JARID2: variants seen among roughly 807,000 people sequenced by gnomAD.
The protein encoded by JARID2 is protein Jumonji.
JARID2 carries 21 observed loss-of-function variants against 125.6 expected under a neutral mutation model. The observed-to-expected ratio is 0.17, with a 90% CI of 0.12 to 0.24. JARID2 has a LOEUF of 0.24. Among genes scored for constraint, JARID2 ranks in the 10% least tolerant of loss-of-function variants. The pLI is 1.00. For missense variants in JARID2, 1,303 were observed against 1,639.6 expected (o/e 0.79, Z 3.55); for synonymous variants, 736 against 661.6 (o/e 1.11, Z -1.73).
intron 2 of JARID2, among the ~76,000 whole-genome samples, chr6:15,397,369 C>T (rs912613393): frequency 2.0e-5 from 3 of 152,150 alleles, no homozygotes; most frequent in Admixed American, 2.0e-4. Context: ...AATTCTCTGG[C>T]ACCATAACCT....
chr6:15,375,701 G>A (rs574876744), intron 2 of JARID2, among the ~76,000 whole-genome samples: 3 of 152,290 alleles, frequency 2.0e-5, no homozygotes, highest in East Asian at 3.9e-4. Context: ...ATTGATTCAC[G>A]TTGAACGTAG....
At chr6:15,457,990 G>A (rs1435515891) in intron 4 of JARID2, among the ~76,000 whole-genome samples, 1 of 152,166 alleles carries the variant, frequency 6.6e-6, no homozygotes, top group African/African-American at 2.4e-5. Flanking sequence ...CCGGCCCGAG[G>A]TATTTGCCCG....
At chr6:15,354,292 T>C (rs1763527217) in intron 1 of JARID2, among the ~76,000 whole-genome samples, 1 of 152,188 alleles carries the variant, frequency 6.6e-6, no homozygotes, top group African/African-American at 2.4e-5. Flanking sequence ...CGTTAGAAGC[T>C]GAAAAGGGCA....
At chr6:15,322,686 CTCTT>C (rs1561791875) in intron 1 of JARID2, among the ~76,000 whole-genome samples, 1 of 152,162 alleles carries the variant, frequency 6.6e-6, no homozygotes, top group Non-Finnish European at 1.5e-5. Context: ...CAAAACTTCT[CTCTT>C]TAAGTCATTT....
chr6:15,507,483 G>C, intron 11 of JARID2, 67 bp downstream of exon 11: 1 of 1,393,046 alleles, frequency 7.2e-7, no homozygotes. Context: ...TGAGAACCAG[G>C]GCTGGGAAAT....
At chr6:15,484,819 A>G (rs1243798035) in intron 5 of JARID2, among the ~76,000 whole-genome samples, 1 of 152,198 alleles carries the variant, frequency 6.6e-6, no homozygotes, top group Non-Finnish European at 1.5e-5. Context: ...TAATGGCAGG[A>G]AAAAGCACAG....
At chr6:15,401,640 G>A (rs556147849) in intron 2 of JARID2, among the ~76,000 whole-genome samples, 8 of 152,244 alleles carry the variant, frequency 5.3e-5, no homozygotes, top group Non-Finnish European at 1.0e-4. Context: ...AAGTGGTTCT[G>A]GATTGAGACC....
chr6:15,287,199 A>T (rs541686713), intron 1 of JARID2, among the ~76,000 whole-genome samples: 2 of 152,270 alleles, frequency 1.3e-5, no homozygotes, highest in East Asian at 3.9e-4. Context: ...CTTGTTCTCT[A>T]ATCATAGGTT....
chr6:15,306,146 A>G (rs1248009129), intron 1 of JARID2, among the ~76,000 whole-genome samples: 2 of 152,032 alleles, frequency 1.3e-5, no homozygotes. Context: ...TCGTACTTTG[A>G]GATCACAAGT....
At chr6:15,454,643 A>AT (rs34961974) in intron 4 of JARID2, among the ~76,000 whole-genome samples, 33,715 of 141,704 alleles carry the variant, frequency 0.24, 4,129 homozygotes, top group East Asian at 0.39. Context: ...ACACCCAGCA[A>AT]TTTTTTTTTT....
At chr6:15,512,816 A>T in intron 14 of JARID2, 99 bp from the exon 15 acceptor site, 1 of 1,193,876 alleles carries the variant, frequency 8.4e-7, no homozygotes, top group Non-Finnish European at 1.2e-6. Flanking sequence ...TTCAAGATTT[A>T]GAAATTCAGA....
chr6:15,279,417 T>C (rs1192080689), intron 1 of JARID2, among the ~76,000 whole-genome samples: 1 of 152,246 alleles, frequency 6.6e-6, no homozygotes, highest in African/African-American at 2.4e-5. Context: ...ACTTTTCATA[T>C]GTGTATGGAT....
intron 1 of JARID2, among the ~76,000 whole-genome samples, chr6:15,275,952 T>C (rs1420561612): frequency 6.6e-6 from 1 of 152,196 alleles, no homozygotes; most frequent in Non-Finnish European, 1.5e-5. Context: ...TAACAATTGC[T>C]ATGGTGTGGC....
At chr6:15,247,574 A>G (rs2127280299) in intron 1 of JARID2, 1 of 984,316 alleles carries the variant, frequency 1.0e-6, no homozygotes, top group African/African-American at 1.8e-5. Context: ...ATACCTTAGG[A>G]ATAATGCAAC....
chr6:15,278,046 G>C (rs1250613866), intron 1 of JARID2, among the ~76,000 whole-genome samples: 2 of 151,880 alleles, frequency 1.3e-5, no homozygotes, highest in East Asian at 1.9e-4. Flanking sequence ...TCAGGAGTTT[G>C]AGATCAGCCT....
In JARID2 at chr6:15,286,034, G is replaced by A. The variant is rs141039145; in HGVS notation, c.45+39450G>A. ...GTTTGAAGTTTTTCCTTTCAGTGCA[G>A]TGTTTCCTTTTTCTTGTTTGTTTGT... is the stretch of plus-strand genomic sequence containing the variant. On this transcript the variant is annotated intron_variant, in intron 1 of 17. Transcript: ENST00000341776. Among the ~76,000 whole-genome samples, 13 of 152,248 alleles carry A rather than the reference G, an allele frequency of 8.5e-5. No homozygotes were observed. In the East Asian group the frequency reaches 2.5e-3, roughly 29 times the overall value.
intron 1 of JARID2, among the ~76,000 whole-genome samples, chr6:15,367,116 TAATA>T (rs1482031809): frequency 1.3e-5 from 2 of 152,158 alleles, no homozygotes; most frequent in Non-Finnish European, 2.9e-5. Flanking sequence ...TTGATTTGGG[TAATA>T]AATGACTTGA....
chr6:15,332,856 G>GTTA (rs2127457751), intron 1 of JARID2, among the ~76,000 whole-genome samples: 1 of 148,980 alleles, frequency 6.7e-6, no homozygotes, highest in South Asian at 2.1e-4. Flanking sequence ...GTATTCTTCT[G>GTTA]TTATTTTTAA....
intron 1 of JARID2, among the ~76,000 whole-genome samples, chr6:15,344,983 T>A (rs531213381): frequency 1.3e-5 from 2 of 152,344 alleles, no homozygotes; most frequent in African/African-American, 4.8e-5. Flanking sequence ...AGTTTGCTGC[T>A]ATTGCAAAAT....
Sources: allele counts gnomAD v4.1 joint callset (sites outside exome capture counted in the v4.1 genomes callset), GRCh38; gene constraint gnomAD v4.1.1; transcripts MANE v1.5; gene names NCBI Gene and HGNC (gene_info 2026-07-23, HGNC 2026-07-21).